LRRTM4: variants seen among roughly 807,000 people sequenced by gnomAD.
The protein encoded by LRRTM4 is leucine-rich repeat transmembrane neuronal protein 4.
Under a neutral mutation model 47.6 loss-of-function variants are expected in LRRTM4, and 25 were observed. The ratio of observed to expected loss-of-function variants is 0.53; its 90% confidence interval spans 0.38 to 0.73. The LOEUF (loss-of-function observed/expected upper bound fraction) is 0.73, where lower values mean the gene tolerates loss of function less well. Ranked by LOEUF, LRRTM4 falls within the 30% of genes least tolerant of loss-of-function variation. The pLI is 0.00. For synonymous variants in LRRTM4, 311 were observed against 269.5 expected (o/e 1.15, Z -1.51); for missense variants, 638 against 713.4 (o/e 0.89, Z 1.20).
intron 3 of LRRTM4, among the ~76,000 whole-genome samples, chr2:77,293,144 G>A (rs1203476756): frequency 6.6e-6 from 1 of 152,050 alleles, no homozygotes; most frequent in Non-Finnish European, 1.5e-5. Flanking sequence ...GAATGAAAAT[G>A]TATAATCGGG....
At chr2:77,227,418 T>G (rs2103963340) in intron 3 of LRRTM4, among the ~76,000 whole-genome samples, 1 of 152,136 alleles carries the variant, frequency 6.6e-6, no homozygotes, top group African/African-American at 2.4e-5. Context: ...TCTAAGAGGC[T>G]GAAGAGTCTT....
intron 3 of LRRTM4, among the ~76,000 whole-genome samples, chr2:77,151,486 C>T (rs1423539125): frequency 1.3e-5 from 2 of 152,094 alleles, no homozygotes; most frequent in Non-Finnish European, 2.9e-5. Flanking sequence ...CAAAGAGGTT[C>T]ATTGTAGCAT....
intron 3 of LRRTM4, among the ~76,000 whole-genome samples, chr2:77,310,697 T>C (rs1159810126): frequency 6.6e-6 from 1 of 152,140 alleles, no homozygotes; most frequent in East Asian, 1.9e-4. Flanking sequence ...CAAAGGCTTC[T>C]CTCCATCTAA....
intron 3 of LRRTM4, among the ~76,000 whole-genome samples, chr2:77,130,712 C>T (rs896253111): frequency 2.9e-4 from 44 of 150,590 alleles, no homozygotes; most frequent in African/African-American, 1.0e-3. Flanking sequence ...GGGGTTTCAC[C>T]GTGTTAGCCA....
At chr2:76,939,903 C>T (rs1321043504) in intron 3 of LRRTM4, among the ~76,000 whole-genome samples, 1 of 152,094 alleles carries the variant, frequency 6.6e-6, no homozygotes, top group Non-Finnish European at 1.5e-5. Flanking sequence ...AATCCTTAAT[C>T]AAATGAATAT....
At chr2:76,869,093 G>A (rs1043725562) in intron 3 of LRRTM4, among the ~76,000 whole-genome samples, 6 of 152,054 alleles carry the variant, frequency 3.9e-5, no homozygotes, top group African/African-American at 9.7e-5. Flanking sequence ...AGCAGATCAC[G>A]AGGTCAAGAA....
At chr2:77,322,007 G>C (rs912795278) in intron 3 of LRRTM4, among the ~76,000 whole-genome samples, 1 of 152,148 alleles carries the variant, frequency 6.6e-6, no homozygotes, top group Non-Finnish European at 1.5e-5. Flanking sequence ...TGAGCTGTAG[G>C]AGGGTAAAAG....
At chr2:76,765,803 T>C (rs1273086136) in intron 3 of LRRTM4, among the ~76,000 whole-genome samples, 2 of 152,192 alleles carry the variant, frequency 1.3e-5, no homozygotes, top group Non-Finnish European at 2.9e-5. Context: ...CCTGCTAACA[T>C]AGGCACCATC....
chr2:76,845,495 G>T (rs1671812676), intron 3 of LRRTM4, among the ~76,000 whole-genome samples: 1 of 152,098 alleles, frequency 6.6e-6, no homozygotes, highest in African/African-American at 2.4e-5. Flanking sequence ...GTGGCTCCCT[G>T]CTAGACCTCT....
intron 3 of LRRTM4, among the ~76,000 whole-genome samples, chr2:77,142,679 T>A (rs1672155747): frequency 6.6e-6 from 1 of 152,156 alleles, no homozygotes; most frequent in Non-Finnish European, 1.5e-5. Flanking sequence ...TGATGAGAAC[T>A]TTTACAAAAA....
At chr2:76,788,998 C>A (rs1365131942) in intron 3 of LRRTM4, among the ~76,000 whole-genome samples, 1 of 152,190 alleles carries the variant, frequency 6.6e-6, no homozygotes, top group African/African-American at 2.4e-5. Context: ...AAAACTTACA[C>A]TGAGTTAAAC....
At chr2:77,485,722 G>A (rs1677885593) in intron 3 of LRRTM4, among the ~76,000 whole-genome samples, 1 of 152,028 alleles carries the variant, frequency 6.6e-6, no homozygotes, top group Non-Finnish European at 1.5e-5. Context: ...TTCAAAGGAG[G>A]GGATGACACT....
At chr2:76,803,258 A>G (rs1161607710) in intron 3 of LRRTM4, among the ~76,000 whole-genome samples, 1 of 152,166 alleles carries the variant, frequency 6.6e-6, no homozygotes, top group African/African-American at 2.4e-5. Flanking sequence ...AGCAAAAAAC[A>G]AATGACCTGA....
chr2:76,775,240 T>C (rs1673913461), intron 3 of LRRTM4, among the ~76,000 whole-genome samples: 1 of 152,236 alleles, frequency 6.6e-6, no homozygotes, highest in African/African-American at 2.4e-5. Flanking sequence ...ACATTTTCAA[T>C]GGTGTAATCC....
intron 3 of LRRTM4, among the ~76,000 whole-genome samples, chr2:76,957,210 C>A (rs192011140): frequency 1.3e-5 from 2 of 151,690 alleles, no homozygotes; most frequent in South Asian, 2.1e-4. Context: ...TTAAAGTGGT[C>A]AAACTCTTAG....
intron 3 of LRRTM4, among the ~76,000 whole-genome samples, chr2:76,991,241 AAAGC>A (rs145050838): frequency 0.03 from 4,560 of 151,792 alleles, 206 homozygotes; most frequent in African/African-American, 0.1. Context: ...AGGAACTAGA[AAAGC>A]AAGAATAAAT....
rs114901468 is a variant in LRRTM4, at chr2:77,445,257, C to A, written c.1551+73061G>T. 5.2e-3 allele frequency among the ~76,000 whole-genome samples: 783 copies of A among 151,954 alleles called. 9 individuals are homozygous for A. Among genetic ancestry groups the A allele is most frequent in the African/African-American group, 0.017 (720 of 41,462 alleles). ...ATTTGTTAAATGGGAGAATAGTATA[C>A]TTACCTCCCAGAGTTGTAGTGGGAA... On this transcript the variant is annotated intron_variant, in intron 3 of 3. Coordinates refer to ENST00000409884, the MANE Select transcript of LRRTM4 (RefSeq NM_001134745.3).
chr2:77,092,064 A>T (rs1330656806), intron 3 of LRRTM4, among the ~76,000 whole-genome samples: 1 of 152,050 alleles, frequency 6.6e-6, no homozygotes, highest in African/African-American at 2.4e-5. Context: ...AGGCCCTCAA[A>T]ATCACAAACT....
At chr2:76,898,298 T>C (rs1262858764) in intron 3 of LRRTM4, among the ~76,000 whole-genome samples, 1 of 152,180 alleles carries the variant, frequency 6.6e-6, no homozygotes, top group African/African-American at 2.4e-5. Flanking sequence ...CTATCCAATT[T>C]ATCCTATCAA....
Sources: gnomAD v4.1 joint callset for allele counts (sites outside exome capture counted in the v4.1 genomes callset) on GRCh38, gnomAD v4.1.1 for gene constraint, MANE v1.5 for transcripts, NCBI Gene and HGNC (gene_info 2026-07-23, HGNC 2026-07-21) for gene names.